Variants in IPCEF1 observed in about 807,000 individuals in gnomAD.
The protein encoded by IPCEF1 is interaction protein for cytohesin exchange factors 1.
A neutral mutation model predicts 50.9 loss-of-function variants in IPCEF1; 31 were observed. The observed-to-expected ratio is 0.61, with a 90% confidence interval of 0.46 to 0.82. The LOEUF (loss-of-function observed/expected upper bound fraction) is 0.82. Among genes scored for constraint, IPCEF1 ranks in the 40% least tolerant of loss-of-function variants. The pLI, the probability that IPCEF1 is intolerant of heterozygous loss-of-function variation, is 0.00. For missense variants in IPCEF1, 458 were observed against 514.0 expected (o/e 0.89, Z 1.05); for synonymous variants, 181 against 192.0 (o/e 0.94, Z 0.47).
At chr6:154,301,933 C>T (rs1782807230) in intron 1 of IPCEF1, among the ~76,000 whole-genome samples, 1 of 152,138 alleles carries the variant, frequency 6.6e-6, no homozygotes, top group Middle Eastern at 3.2e-3. Context: ...GAATAAACAG[C>T]GTGGTGCCTG....
chr6:154,239,857 C>T (rs1780439593), intron 5 of IPCEF1, among the ~76,000 whole-genome samples: 2 of 152,158 alleles, frequency 1.3e-5, no homozygotes. Flanking sequence ...GCATATCCAC[C>T]ACGCTTGGCT....
At chr6:154,223,300 C>T (rs769085990) in intron 5 of IPCEF1, 57 bp from the exon 6 acceptor site, 44 of 1,286,188 alleles carry the variant, frequency 3.4e-5, no homozygotes, top group Non-Finnish European at 4.8e-5. Flanking sequence ...GGGATTAGTG[C>T]ATTGAGATCA....
At chr6:154,230,043 T>C (rs1254028267) in intron 5 of IPCEF1, among the ~76,000 whole-genome samples, 4 of 151,998 alleles carry the variant, frequency 2.6e-5, no homozygotes, top group African/African-American at 7.3e-5. Flanking sequence ...AGCAGGACGG[T>C]GGTTGCCTGC....
chr6:154,234,707 T>G (rs1779980719), intron 5 of IPCEF1, among the ~76,000 whole-genome samples: 1 of 152,180 alleles, frequency 6.6e-6, no homozygotes, highest in African/African-American at 2.4e-5. Flanking sequence ...ATTCTCTCCT[T>G]ATGGAGAAAG....
chr6:154,281,330 G>T (rs892495937), intron 2 of IPCEF1, among the ~76,000 whole-genome samples: 10 of 151,452 alleles, frequency 6.6e-5, no homozygotes, highest in Admixed American at 5.3e-4. Flanking sequence ...TCCAGCCTGG[G>T]TAACAGAGCA....
At chr6:154,187,019 G>T (rs897898333) in intron 10 of IPCEF1, among the ~76,000 whole-genome samples, 1 of 151,688 alleles carries the variant, frequency 6.6e-6, no homozygotes, top group Admixed American at 6.6e-5. Flanking sequence ...CTCTGCTCCT[G>T]GCCACACGCC....
intron 3 of IPCEF1, among the ~76,000 whole-genome samples, chr6:154,263,411 TC>T (rs1386097564): frequency 7.2e-6 from 1 of 138,582 alleles, no homozygotes; most frequent in Non-Finnish European, 1.6e-5. Context: ...AGTGTTTGTG[TC>T]CCTGGGTACT....
At chr6:154,232,466 A>T (rs1238096862) in intron 5 of IPCEF1, among the ~76,000 whole-genome samples, 1 of 151,960 alleles carries the variant, frequency 6.6e-6, no homozygotes, top group Non-Finnish European at 1.5e-5. Context: ...GCCAAGTGCC[A>T]GACCTAGAAC....
At chr6:154,342,973 A>T (rs1783949156) in intron 1 of IPCEF1, among the ~76,000 whole-genome samples, 1 of 152,052 alleles carries the variant, frequency 6.6e-6, no homozygotes, top group African/African-American at 2.4e-5. Flanking sequence ...AAAACTAGTA[A>T]GGCTTGGTCA....
chr6:154,293,374 A>G (rs1562582413), intron 1 of IPCEF1, among the ~76,000 whole-genome samples: 1 of 152,224 alleles, frequency 6.6e-6, no homozygotes, highest in Non-Finnish European at 1.5e-5. Flanking sequence ...CACTTTCAGT[A>G]TAGAAAGATC....
chr6:154,244,489 C>A (rs1780875434), intron 5 of IPCEF1, among the ~76,000 whole-genome samples: 1 of 152,212 alleles, frequency 6.6e-6, no homozygotes, highest in Non-Finnish European at 1.5e-5. Flanking sequence ...CAAGTACATG[C>A]TTTGCAACCT....
At chr6:154,337,499 G>A (rs1034738980) in intron 1 of IPCEF1, among the ~76,000 whole-genome samples, 3 of 152,194 alleles carry the variant, frequency 2.0e-5, no homozygotes, top group African/African-American at 7.2e-5. Context: ...AAGAATCTCT[G>A]AGTCTCTCTT....
At chr6:154,233,215 C>G (rs1293494020) in intron 5 of IPCEF1, among the ~76,000 whole-genome samples, 1 of 152,104 alleles carries the variant, frequency 6.6e-6, no homozygotes. Flanking sequence ...GTGATCTGCC[C>G]GCCTCAGCCT....
At chr6:154,276,223 A>C (rs1202683272) in intron 2 of IPCEF1, among the ~76,000 whole-genome samples, 1 of 150,650 alleles carries the variant, frequency 6.6e-6, no homozygotes, top group Non-Finnish European at 1.5e-5. Flanking sequence ...GAGAGAGAGA[A>C]AAGGAAAGAA....
chr6:154,183,668 G>A (rs1326639028), intron 10 of IPCEF1, among the ~76,000 whole-genome samples: 1 of 152,082 alleles, frequency 6.6e-6, no homozygotes, highest in Non-Finnish European at 1.5e-5. Flanking sequence ...TGAGGCCGAG[G>A]CAGGCAGATC....
intron 10 of IPCEF1, among the ~76,000 whole-genome samples, chr6:154,192,753 C>T (rs1182081317): frequency 6.6e-6 from 1 of 152,100 alleles, no homozygotes; most frequent in Non-Finnish European, 1.5e-5. Flanking sequence ...GGCCAACAAA[C>T]ACGAAGAAAT....
intron 9 of IPCEF1, among the ~76,000 whole-genome samples, chr6:154,202,673 T>A (rs1257788792): frequency 2.0e-5 from 3 of 152,188 alleles, no homozygotes; most frequent in African/African-American, 7.2e-5. Flanking sequence ...TCTGTAAGGT[T>A]TATTGAACCT....
rs530777804 is a variant in IPCEF1, at chr6:154,241,836, G to A, written c.246+4755C>T. ...GGCAGTGGCTCCCTACTGCCTGCTG[G>A]ATCAAACCCACATTCCTACACTATC... On this transcript the variant is annotated intron_variant, in intron 5 of 11. Coordinates refer to ENST00000367220, the MANE Select transcript of IPCEF1 (RefSeq NM_001130700.2). 2.0e-5 allele frequency among the ~76,000 whole-genome samples: 3 copies of A among 152,202 alleles called. No individual in the cohort carries two copies. The South Asian group carries it at 6.2e-4, about 32-fold the overall frequency.
At chr6:154,278,739 T>C (rs767802947) in intron 2 of IPCEF1, among the ~76,000 whole-genome samples, 1 of 151,512 alleles carries the variant, frequency 6.6e-6, no homozygotes, top group Non-Finnish European at 1.5e-5. Flanking sequence ...ATATATATGA[T>C]TAAAAGGTAA....
Sources: allele counts gnomAD v4.1 joint callset (sites outside exome capture counted in the v4.1 genomes callset), GRCh38; gene constraint gnomAD v4.1.1; transcripts MANE v1.5; gene names NCBI Gene and HGNC (gene_info 2026-07-23, HGNC 2026-07-21).